BRD3: variants seen among roughly 807,000 people sequenced by gnomAD.
BRD3 encodes bromodomain-containing protein 3.
Under a neutral mutation model 66.8 loss-of-function variants are expected in BRD3, and 17 were observed. The observed-to-expected ratio is 0.25, with a 90% CI of 0.17 to 0.38. BRD3 has a LOEUF of 0.38. Among genes scored for constraint, BRD3 ranks in the 10% least tolerant of loss-of-function variants. The pLI is 1.00. For missense variants in BRD3, 713 were observed against 956.1 expected (o/e 0.75, Z 3.35); for synonymous variants, 421 against 393.2 (o/e 1.07, Z -0.84).
Position 134,048,076 on chromosome 9 carries a change from C to T in BRD3, c.1086+7G>A. The T allele has an allele frequency of 6.4e-7, 1 of 1,556,104 alleles. No homozygotes were observed. The highest frequency in any genetic ancestry group is 8.7e-7 in the Non-Finnish European group (1 of 1,148,994). On this transcript the variant is annotated splice_region_variant and intron_variant, in intron 6 of 11. Transcript: ENST00000303407. The stretch of plus-strand genomic sequence containing the variant: ...GGCAGAGCAGGGCCTGCCGCGCGGC[C>T]ACGTACTTTCACGGTGCTGAGGTCC...
intron 4 of BRD3, 95 bp downstream of exon 4, chr9:134,051,467 A>G: frequency 7.6e-7 from 1 of 1,321,604 alleles, no homozygotes; most frequent in Non-Finnish European, 9.9e-7. Context: ...ACAGATGGGA[A>G]ACAGCTCAGA....
chr9:134,042,583 G>C (rs140470291), intron 7 of BRD3, among the ~76,000 whole-genome samples: 1,877 of 152,078 alleles, frequency 0.012, 29 homozygotes, highest in African/African-American at 0.03. Flanking sequence ...GCTGCAGTGA[G>C]CCGAAATCAT....
At chr9:134,067,315 G>A (rs533289719) in intron 1 of BRD3, among the ~76,000 whole-genome samples, 2 of 151,810 alleles carry the variant, frequency 1.3e-5, no homozygotes, top group Non-Finnish European at 2.9e-5. Context: ...AACTCTGGGA[G>A]GAGGCCGCGC....
intron 5 of BRD3, among the ~76,000 whole-genome samples, chr9:134,048,956 G>A (rs1393908953): frequency 6.6e-6 from 1 of 152,180 alleles, no homozygotes; most frequent in Non-Finnish European, 1.5e-5. Flanking sequence ...GGAGGCAGGA[G>A]AGCATTCCAG....
chr9:134,045,484 C>T lies in BRD3; in HGVS notation c.1087-63G>A, dbSNP rs1297756599. ...CGTGGCATCAGGACTCTCTGCCACA[C>T]CCCACGAGATGAACTCTGGAGCCTC... On this transcript the variant is annotated intron_variant, in intron 6 of 11. Transcript: ENST00000303407. This position sits in a 1 kb window ranked among gnomAD's most constrained non-coding sequence, Gnocchi z 4.8. 5.6e-6 allele frequency: 9 copies of T among 1,601,700 alleles called. No homozygotes were observed. Among genetic ancestry groups the T allele is most frequent in the South Asian group, 3.3e-5 (3 of 90,432 alleles).
intron 1 of BRD3, among the ~76,000 whole-genome samples, chr9:134,056,273 G>A (rs991959342): frequency 1.1e-4 from 17 of 152,220 alleles, no homozygotes; most frequent in Admixed American, 6.5e-4. Flanking sequence ...GGTGCAGTTT[G>A]CCTCCAGCTC....
At chr9:134,051,889 G>GT (rs886259053) in intron 3 of BRD3, among the ~76,000 whole-genome samples, 180 bp from the exon 4 acceptor site, 1,041 of 59,010 alleles carry the variant, frequency 0.018, 30 homozygotes, top group Middle Eastern at 0.052. Context: ...TGTTTTTTTT[G>GT]TTTTTTTTTT....
chr9:134,034,881 G>A lies in BRD3; in HGVS notation c.1937-52C>T, dbSNP rs767562435. 39 of 1,603,520 alleles carry A rather than the reference G, an allele frequency of 2.4e-5. No individual in the cohort carries two copies. The Middle Eastern group carries it at 8.2e-4, about 34-fold the overall frequency. ...ACTGCAGAGCAGACCGATGGGGCAG[G>A]AGCCAGGGCTGCATCCAGGTGGCCA... On this transcript the variant is annotated intron_variant, in intron 10 of 11. Transcript: ENST00000303407.
intron 9 of BRD3, among the ~76,000 whole-genome samples, chr9:134,039,593 T>A (rs2519079): frequency 1.3e-5 from 2 of 152,202 alleles, no homozygotes; most frequent in Admixed American, 6.5e-5. Flanking sequence ...GGCTCCTGCA[T>A]GTCCCTAGCA....
chr9:134,059,510 G>A (rs1163018106), intron 1 of BRD3, among the ~76,000 whole-genome samples: 1 of 148,312 alleles, frequency 6.7e-6, no homozygotes. Context: ...CAAAACCTTC[G>A]TGCCGCAATC....
intron 11 of BRD3, 119 bp downstream of exon 11, chr9:134,034,582 C>T: frequency 7.2e-7 from 1 of 1,379,436 alleles, no homozygotes; most frequent in Non-Finnish European, 9.8e-7. Flanking sequence ...CGTCTAAGAA[C>T]ATGGAGCTCA....
At chr9:134,060,610 A>ACACACACACACACAC (rs1397086691) in intron 1 of BRD3, among the ~76,000 whole-genome samples, 79 of 151,816 alleles carry the variant, frequency 5.2e-4, no homozygotes, top group Non-Finnish European at 8.7e-4. Context: ...ACACACACAC[A>ACACACACACACACAC]CACACACACA....
chr9:134,065,522 G>A (rs1830632810), intron 1 of BRD3, among the ~76,000 whole-genome samples: 1 of 151,994 alleles, frequency 6.6e-6, no homozygotes, highest in Non-Finnish European at 1.5e-5. Flanking sequence ...AGCAAGAGGA[G>A]GATCCTCTGA....
intron 4 of BRD3, 37 bp from the exon 5 acceptor site, chr9:134,050,625 TCCAC>T (rs1564554877): frequency 6.5e-7 from 1 of 1,544,042 alleles, no homozygotes; most frequent in Non-Finnish European, 8.9e-7. Flanking sequence ...CACACCAGGC[TCCAC>T]TAGTATTTCC....
rs1345459878 is a variant in BRD3 at position 134,068,019 on chromosome 9, A to T, written c.-188T>A. ...TCCTCTTTGGCTCGCCGGCCCCGGC[A>T]GCATAATAGACGCGCCGGAGCCGAG... On this transcript the variant is annotated 5_prime_UTR_variant, in exon 1 of 12. Coordinates refer to ENST00000303407, the MANE Select transcript of BRD3 (RefSeq NM_007371.4). 7.1e-6 allele frequency: 1 copy of T among 141,376 alleles called. No individual in the cohort carries two copies. Among genetic ancestry groups the T allele is most frequent in the Non-Finnish European group, 1.6e-5 (1 of 64,212 alleles). The allele number at this position is 141,376 out of a possible 1,614,324, so 8.8% of individuals were successfully genotyped here.
Position 134,040,177 on chromosome 9 carries a change from C to A in BRD3, c.1500G>T (p.Lys500Asn). The A allele has an allele frequency of 6.4e-7, 1 of 1,564,528 alleles. No homozygotes were observed. Among genetic ancestry groups the A allele is most frequent in the Non-Finnish European group, 8.7e-7 (1 of 1,154,730 alleles). Residue 500 changes from lysine to asparagine, a missense_variant, in exon 9 of 12, where the codon AAG becomes AAT. Physicochemically the swap from Lys to Asn is moderately conservative, Grantham distance 94. Transcript: ENST00000303407. ...KKKEKKEKEK[K>N]KKDKEKEKEK... ...CCTTCTCCTTCTCCTTGTCCTTCTT[C>A]TTCTTCTCCTTCTCCTTCTTCTCCT...
At position 134,051,550 on chromosome 9, in the gene BRD3, A is replaced by C; in HGVS notation, c.499+12T>G. Reference sequence around the variant, plus strand: ...AGAGGCCCAGCCCCTCGCCTGCCCCAGCTCCCTTTACCTGCGCTCTGGGCT... The same window carrying C: ...AGAGGCCCAGCCCCTCGCCTGCCCCCGCTCCCTTTACCTGCGCTCTGGGCT... On this transcript the variant is annotated intron_variant, in intron 4 of 11. Transcript: ENST00000303407. 6.5e-7 allele frequency: 1 copy of C among 1,530,142 alleles called. No individual in the cohort carries two copies. The highest frequency in any genetic ancestry group is 1.4e-5 in the African/African-American group (1 of 69,424). 94.8% of individuals were successfully genotyped at this position (1,530,142 alleles called of 1,614,324 possible). A position where few individuals can be genotyped will look rare whatever the true frequency, so the allele number is the denominator to read the frequency against.
chr9:134,030,466 G>A lies in BRD3; in HGVS notation c.*3124C>T. 5.0e-6 allele frequency: 1 copy of A among 201,172 alleles called. No individual in the cohort carries two copies. Among genetic ancestry groups the A allele is most frequent in the Non-Finnish European group, 1.0e-5 (1 of 97,926 alleles). 12.5% of individuals were successfully genotyped at this position (201,172 alleles called of 1,614,324 possible). A position where few individuals can be genotyped will look rare whatever the true frequency, so the allele number is the denominator to read the frequency against. ...TAAACAAGCTAAACTACTTACATTGGACTCATTTTCAGTAACTGACATTTA... is the reference window on the plus strand; with the variant it reads ...TAAACAAGCTAAACTACTTACATTGAACTCATTTTCAGTAACTGACATTTA... On this transcript the variant is annotated 3_prime_UTR_variant, in exon 12 of 12. Transcript: ENST00000303407.
At chr9:134,052,715 G>A (rs564779136) in intron 2 of BRD3, among the ~76,000 whole-genome samples, 1 of 152,348 alleles carries the variant, frequency 6.6e-6, no homozygotes, top group African/African-American at 2.4e-5. Context: ...TACTGGAGAT[G>A]GGGCCAAACC....
Sources: gnomAD v4.1 joint callset for allele counts (sites outside exome capture counted in the v4.1 genomes callset) on GRCh38, gnomAD v4.1.1 for gene constraint, Gnocchi (gnomAD v3.1) non-coding constraint, MANE v1.5 for transcripts, NCBI Gene and HGNC (gene_info 2026-07-23, HGNC 2026-07-21) for gene names.